The following BEST2 variants were observed in gnomAD, a reference collection of about 807,000 sequenced individuals.
The protein encoded by BEST2 is bestrophin-2a.
BEST2 carries 36 observed loss-of-function variants against 49.0 expected under a neutral mutation model. The observed-to-expected ratio is 0.73, with a 90% confidence interval of 0.56 to 0.97. The LOEUF is 0.97. Ranked by LOEUF, BEST2 falls within the 50% of genes least tolerant of loss-of-function variation. The pLI is 0.00. For synonymous variants in BEST2, 335 were observed against 304.4 expected (o/e 1.10, Z -1.05); for missense variants, 672 against 710.0 (o/e 0.95, Z 0.61).
At chr19:12,757,533 ATC>A (rs1967959518) in intron 9 of BEST2, 116 bp from the exon 10 acceptor site, 4 of 1,172,738 alleles carry the variant, frequency 3.4e-6, no homozygotes, top group Non-Finnish European at 4.7e-6. Flanking sequence ...AGGAGCTAAG[ATC>A]TTTGGGGATA....
In BEST2 at chr19:12,753,323, T is replaced by G; in HGVS notation, c.216T>G (p.Tyr72Ter). 6.2e-7 allele frequency: 1 copy of G among 1,614,162 alleles called. No homozygotes were observed. Among genetic ancestry groups the G allele is most frequent in the Non-Finnish European group, 8.5e-7 (1 of 1,180,022 alleles). ...AGCTTGTGATTTATTGTGACCAGTA[T>G]GCCAGCCTCATCCCTGTCTCCTTCG... ...FEKLVIYCDQ[Y>*]ASLIPVSFVL... is the part of the protein sequence containing the mutation. The change falls in exon 3 of 10, where the codon TAT becomes TAG. Residue 72 changes from tyrosine (Y) to a stop codon, truncating the protein, a stop_gained. Transcript: ENST00000553030. LOFTEE classifies it high-confidence loss of function.
chr19:12,756,104 CCTGCCCCCA>C, intron 8 of BEST2, 28 bp from the exon 9 acceptor site: 1 of 1,613,074 alleles, frequency 6.2e-7, no homozygotes, highest in Non-Finnish European at 8.5e-7. Flanking sequence ...GGCGGGTTGC[CCTGCCCCCA>C]CTTTACCCTG....
In BEST2 at chr19:12,755,507, T is replaced by C; in HGVS notation, c.714+51T>C. The stretch of plus-strand genomic sequence containing the variant: ...ATTCGGTGTCAGTGGCCCTGATGCC[T>C]GGTTTCCAAGGGGAAACCAAGAACT... On this transcript the variant is annotated intron_variant, in intron 6 of 9. Coordinates refer to ENST00000553030, the MANE Select transcript of BEST2 (RefSeq NM_017682.3). The surrounding 1 kb of genome is among the most constrained non-coding windows in gnomAD (Gnocchi z 4.4). 1.2e-6 allele frequency: 2 copies of C among 1,611,440 alleles called. No individual in the cohort carries two copies. Among genetic ancestry groups the C allele is most frequent in the South Asian group, 2.2e-5 (2 of 91,024 alleles).
chr19:12,752,327 G>A (rs868025093), intron 1 of BEST2, among the ~76,000 whole-genome samples: 11 of 151,860 alleles, frequency 7.2e-5, no homozygotes, highest in African/African-American at 2.4e-4. Context: ...TGGTGGTGGG[G>A]GACGGCAGTT....
At position 12,755,297 on chromosome 19, in the gene BEST2, A is replaced by C; in HGVS notation, c.637-82A>C. 1.4e-6 allele frequency: 2 copies of C among 1,452,868 alleles called. No individual in the cohort carries two copies. Among genetic ancestry groups the C allele is most frequent in the Non-Finnish European group, 1.9e-6 (2 of 1,036,096 alleles). 90.0% of individuals were successfully genotyped at this position (1,452,868 alleles called of 1,614,324 possible). On this transcript the variant is annotated intron_variant, in intron 5 of 9. Coordinates refer to ENST00000553030, the MANE Select transcript of BEST2 (RefSeq NM_017682.3). This position sits in a 1 kb window ranked among gnomAD's most constrained non-coding sequence, Gnocchi z 4.4. ...CCCAATTCCCACCAGGTGACCACCC[A>C]CCTCCATCCCACGTACCTACACTTA...
Position 12,757,821 on chromosome 19 carries a change from C to A in BEST2, c.1274C>A (p.Ser425Ter). 6.5e-7 allele frequency: 1 copy of A among 1,549,086 alleles called. No individual in the cohort carries two copies. Among genetic ancestry groups the A allele is most frequent in the Admixed American group, 2.0e-5 (1 of 50,988 alleles). ...CTACTCCGCAAGAACAGCTGCGTGT[C>A]GGAGGCGTCTACTGGGGCCAGCTGC... ...SFLLRKNSCV[S>*]EASTGASCSC... is the part of the protein sequence containing the mutation. The change falls in exon 10 of 10, where the codon TCG (serine) becomes TAG (stop). Residue 425 changes from serine to a stop codon, truncating the protein, a stop_gained. Coordinates refer to ENST00000553030, the MANE Select transcript of BEST2 (RefSeq NM_017682.3). LOFTEE classifies it low-confidence loss of function (END_TRUNC).
In BEST2 at chr19:12,758,182, C is replaced by T; in HGVS notation, c.*105C>T. 3 of 1,351,228 alleles carry T rather than the reference C, an allele frequency of 2.2e-6. No homozygotes were observed. The South Asian group carries it at 3.9e-5, about 18-fold the overall frequency. The allele number at this position is 1,351,228 out of a possible 1,614,324, so 83.7% of individuals were successfully genotyped here. ...CCTCGTGTGCCTTTGTAAAGTCCAC[C>T]TACACTTTTGACCAGCTCTCGCTGC... On this transcript the variant is annotated 3_prime_UTR_variant, in exon 10 of 10. Coordinates refer to ENST00000553030, the MANE Select transcript of BEST2 (RefSeq NM_017682.3).
In BEST2 at chr19:12,758,117, C is replaced by A. The variant is rs1321181499; in HGVS notation, c.*40C>A. 3 of 1,597,212 alleles carry A rather than the reference C, an allele frequency of 1.9e-6. No homozygotes were observed. The highest frequency in any genetic ancestry group is 4.5e-5 in the East Asian group (2 of 44,552). ...GCCCCCTAAGGACAGGGAACCAGGT[C>A]CCTGCACGGCACCCACGCAGGTGTC... On this transcript the variant is annotated 3_prime_UTR_variant, in exon 10 of 10. Coordinates refer to ENST00000553030, the MANE Select transcript of BEST2 (RefSeq NM_017682.3).
At chr19:12,757,601 C>G (rs1394267349) in intron 9 of BEST2, 50 bp from the exon 10 acceptor site, 1 of 1,508,044 alleles carries the variant, frequency 6.6e-7, no homozygotes, top group African/African-American at 1.4e-5. Flanking sequence ...GGACCCTGCT[C>G]TGTCAACAAG....
Position 12,755,112 on chromosome 19 carries a change from G to A in BEST2, c.636+81G>A, listed in dbSNP as rs977818241. On this transcript the variant is annotated intron_variant, in intron 5 of 9. Transcript: ENST00000553030. This position sits in a 1 kb window ranked among gnomAD's most constrained non-coding sequence, Gnocchi z 4.4. Reference sequence around the variant, plus strand: ...AGCTGTGTCAACGGCGGCCCTCCAAGCACCCCCACGAGGCCGATTTCAAAC... The same window carrying A: ...AGCTGTGTCAACGGCGGCCCTCCAAACACCCCCACGAGGCCGATTTCAAAC... 2 of 1,483,548 alleles carry A rather than the reference G, an allele frequency of 1.3e-6. No homozygotes were observed. Among genetic ancestry groups the A allele is most frequent in the Non-Finnish European group, 1.8e-6 (2 of 1,114,376 alleles). 91.9% of individuals were successfully genotyped at this position (1,483,548 alleles called of 1,614,324 possible).
chr19:12,754,644 G>A lies in BEST2; in HGVS notation c.340G>A (p.Val114Met), dbSNP rs375044336. 1.9e-6 allele frequency: 3 copies of A among 1,561,800 alleles called. No individual in the cohort carries two copies. Among genetic ancestry groups the A allele is most frequent in the Non-Finnish European group, 2.6e-6 (3 of 1,152,584 alleles). Reference protein sequence around the residue: ...DALMCVVAGTVHGRDDRGRLY... With the variant: ...DALMCVVAGTMHGRDDRGRLY... Reference sequence around the variant, plus strand: ...GCTCATGTGCGTGGTGGCGGGCACCGTGCACGGACGCGACGACCGCGGCCG... The same window carrying A: ...GCTCATGTGCGTGGTGGCGGGCACCATGCACGGACGCGACGACCGCGGCCG... Residue 114 changes from valine to methionine, a missense_variant, in exon 4 of 10, where the codon GTG becomes ATG. This residue lies in a region of BEST2 where 365 missense variants were observed against 390.9 expected (regional missense o/e 0.93). Transcript: ENST00000553030.
At position 12,757,746 on chromosome 19, in the gene BEST2, C is replaced by T. The variant is rs1409369546; in HGVS notation, c.1199C>T (p.Ala400Val). The T allele has an allele frequency of 6.5e-7, 1 of 1,544,096 alleles. No homozygotes were observed. The highest frequency in any genetic ancestry group is 2.0e-5 in the Admixed American group (1 of 50,872). The change falls in exon 10 of 10, where the codon GCG becomes GTG. Residue 400 changes from alanine to valine, a missense_variant. Transcript: ENST00000553030. ...PGDFLQRLLP[A>V]GAGMVAGGPL... ...GACTTCCTGCAGCGCCTCCTGCCGG[C>T]GGGCGCGGGCATGGTCGCGGGAGGC...
At position 12,754,672 on chromosome 19, in the gene BEST2, T is replaced by A. The variant is rs1322087639; in HGVS notation, c.368T>A (p.Leu123His). ...CACGGACGCGACGACCGCGGCCGCC[T>A]CTACCGGCGCACACTCATGCGCTAC... ...TVHGRDDRGR[L>H]YRRTLMRYAG... Residue 123 changes from leucine (L) to histidine (H), a missense_variant, in exon 4 of 10, where the codon CTC (leucine) becomes CAC (histidine). This residue lies in a region of BEST2 where 365 missense variants were observed against 390.9 expected (regional missense o/e 0.93). Transcript: ENST00000553030. 3.8e-6 allele frequency: 6 copies of A among 1,571,948 alleles called. No homozygotes were observed. The highest frequency in any genetic ancestry group is 1.9e-5 in the Admixed American group (1 of 53,744).
Position 12,757,997 on chromosome 19 carries a change from G to C in BEST2, c.1450G>C (p.Val484Leu). The C allele has an allele frequency of 1.2e-6, 2 of 1,612,426 alleles. No homozygotes were observed. Among genetic ancestry groups the C allele is most frequent in the South Asian group, 2.2e-5 (2 of 90,970 alleles). ...IPGPVEPFSIVTMPGPRGPAP... is the reference protein window; with the variant it reads ...IPGPVEPFSILTMPGPRGPAP... ...TGGGCCTGTCGAGCCCTTCAGCATCGTGACCATGCCCGGGCCCCGGGGTCC... is the reference window on the plus strand; with the variant it reads ...TGGGCCTGTCGAGCCCTTCAGCATCCTGACCATGCCCGGGCCCCGGGGTCC... Residue 484 changes from valine to leucine, a missense_variant, in exon 10 of 10, where the codon GTG becomes CTG. Transcript: ENST00000553030.
At chr19:12,752,146 G>A (rs1244022221) in intron 1 of BEST2, among the ~76,000 whole-genome samples, 1 of 152,040 alleles carries the variant, frequency 6.6e-6, no homozygotes, top group East Asian at 1.9e-4. Flanking sequence ...GTGGAGAAGG[G>A]GGAGCCAGAA....
In BEST2 at chr19:12,752,744, G is replaced by T; in HGVS notation, c.152G>T (p.Arg51Leu). Residue 51 changes from arginine to leucine, a missense_variant and splice_region_variant, in exon 2 of 10, where the codon CGC becomes CTC. Physicochemically the swap from Arg to Leu is moderately radical, Grantham distance 102. Coordinates refer to ENST00000553030, the MANE Select transcript of BEST2 (RefSeq NM_017682.3). Reference protein sequence around the residue: ...GFYMALSAAYRFVLTEGQKRY... With the variant: ...GFYMALSAAYLFVLTEGQKRY... ...TACATGGCGCTGAGTGCTGCCTACC[G>T]GTGAGGCTGCCCTGAGGTGCTCATG... 2 of 1,610,892 alleles carry T rather than the reference G, an allele frequency of 1.2e-6. No homozygotes were observed. Among genetic ancestry groups the T allele is most frequent in the Non-Finnish European group, 1.7e-6 (2 of 1,179,250 alleles).
At position 12,751,819 on chromosome 19, in the gene BEST2, C is replaced by A; in HGVS notation, c.-72C>A. The A allele has an allele frequency of 6.5e-6, 1 of 152,706 alleles. No homozygotes were observed. 9.5% of individuals were successfully genotyped at this position (152,706 alleles called of 1,614,324 possible). ...CCATCCCTGTCCCTGTGGGTCCTTG[C>A]ACCGGCCACCTTCAACACAGGTGAG... On this transcript the variant is annotated 5_prime_UTR_variant, in exon 1 of 10. Coordinates refer to ENST00000553030, the MANE Select transcript of BEST2 (RefSeq NM_017682.3).
In BEST2 at chr19:12,756,214, C is replaced by G; in HGVS notation, c.1022C>G (p.Ala341Gly). ...VLEKDLYWDA[A>G]EARAPYTAAT... ...GAGAAGGACTTGTACTGGGATGCAG[C>G]CGAGGCTCGCGCCCCATACACAGCG... Residue 341 changes from alanine to glycine, a missense_variant, in exon 9 of 10, where the codon GCC becomes GGC. Coordinates refer to ENST00000553030, the MANE Select transcript of BEST2 (RefSeq NM_017682.3). The G allele has an allele frequency of 6.2e-7, 1 of 1,614,216 alleles. No homozygotes were observed. The highest frequency in any genetic ancestry group is 2.2e-5 in the East Asian group (1 of 44,892).
Position 12,754,549 on chromosome 19 carries a change from C to T in BEST2, c.248-3C>T. The T allele has an allele frequency of 1.3e-6, 2 of 1,502,602 alleles. No homozygotes were observed. The highest frequency in any genetic ancestry group is 1.8e-6 in the Non-Finnish European group (2 of 1,117,292). 93.1% of individuals were successfully genotyped at this position (1,502,602 alleles called of 1,614,324 possible). Reference sequence around the variant, plus strand: ...TGAGCCCCCATTCCCCGCTCCCCTGCAGGCTTTTATGTGACGCTGGTGGTG... The same window carrying T: ...TGAGCCCCCATTCCCCGCTCCCCTGTAGGCTTTTATGTGACGCTGGTGGTG... On this transcript the variant is annotated splice_region_variant and splice_polypyrimidine_tract_variant and intron_variant, in intron 3 of 9. Coordinates refer to ENST00000553030, the MANE Select transcript of BEST2 (RefSeq NM_017682.3).
Sources: allele counts gnomAD v4.1 joint callset (sites outside exome capture counted in the v4.1 genomes callset), GRCh38; gene constraint gnomAD v4.1.1; regional missense constraint gnomAD v4.1.1; non-coding constraint Gnocchi (gnomAD v3.1); transcripts MANE v1.5; gene names NCBI Gene and HGNC (gene_info 2026-07-23, HGNC 2026-07-21).